The following ZNF160 variants were observed in gnomAD, a reference collection of about 807,000 sequenced individuals.
ZNF160 encodes the protein zinc finger protein 160, also known as KRAB zinc finger protein KR18.
ZNF160 carries 9 observed loss-of-function variants against 13.1 expected under a neutral mutation model. The ratio of observed to expected loss-of-function variants is 0.69; its 90% CI spans 0.41 to 1.20. The LOEUF (loss-of-function observed/expected upper bound fraction) is 1.20. Among genes scored for constraint, ZNF160 ranks in the 50% most tolerant of loss-of-function variants. The pLI is 0.01. For missense variants in ZNF160, 838 were observed against 988.0 expected (o/e 0.85, Z 2.04); for synonymous variants, 293 against 333.2 (o/e 0.88, Z 1.31).
Position 53,068,448 on chromosome 19 carries a change from G to A in ZNF160, c.2086C>T (p.Gln696Ter). 6.2e-7 allele frequency: 1 copy of A among 1,613,824 alleles called. No individual in the cohort carries two copies. Among genetic ancestry groups the A allele is most frequent in the Non-Finnish European group, 8.5e-7 (1 of 1,179,916 alleles). The change falls in exon 6 of 6, where the codon CAA becomes TAA. Residue 696 changes from glutamine to a stop codon, truncating the protein, a stop_gained. Coordinates refer to ENST00000683776, the MANE Select transcript of ZNF160 (RefSeq NM_001322131.2). LOFTEE classifies it low-confidence loss of function (END_TRUNC). ...GGTTTCTCTCCGGTGTGAGTCCTTT[G>A]ATGATTTGCAAGGTGTGAGTTCTGA... The part of the protein sequence containing the change: ...FTQNSHLANH[Q>*]RTHTGEKPYR...
At chr19:53,086,412 G>T in intron 2 of ZNF160, 91 bp from the exon 3 acceptor site, 1 of 1,163,956 alleles carries the variant, frequency 8.6e-7, no homozygotes, top group Non-Finnish European at 1.2e-6. Flanking sequence ...CCCTTCATGT[G>T]CCACAGTCAC....
chr19:53,085,134 T>C, intron 3 of ZNF160: 2 of 984,406 alleles, frequency 2.0e-6, no homozygotes, highest in Non-Finnish European at 2.4e-6. Flanking sequence ...TGGCATTCTT[T>C]ATAGAAGTGA....
At chr19:53,076,317 GAACTAAATAAGCAC>G (rs2084386191) in intron 3 of ZNF160, among the ~76,000 whole-genome samples, 1 of 152,162 alleles carries the variant, frequency 6.6e-6, no homozygotes, top group South Asian at 2.1e-4. Flanking sequence ...ATAACTACAT[GAACTAAATAAGCAC>G]AACTGGTATC....
At chr19:53,086,125 G>T in intron 3 of ZNF160, 137 bp downstream of exon 3, 1 of 1,328,684 alleles carries the variant, frequency 7.5e-7, no homozygotes, top group East Asian at 2.4e-5. Flanking sequence ...CGAGATGAGA[G>T]GGACTGAGGG....
chr19:53,079,567 AAAAAAAT>A (rs2084543394), intron 3 of ZNF160, among the ~76,000 whole-genome samples: 1 of 151,234 alleles, frequency 6.6e-6, no homozygotes. Flanking sequence ...AAAAAAAAAA[AAAAAAAT>A]AGGCTCAACA....
intron 5 of ZNF160, chr19:53,073,486 A>C (rs767916728): frequency 1.9e-6 from 3 of 1,598,192 alleles, no homozygotes; most frequent in Non-Finnish European, 2.5e-6. Flanking sequence ...AGCAGCAGCC[A>C]ATGTTTCCAT....
chr19:53,096,194 G>C (rs1484875338), intron 1 of ZNF160, among the ~76,000 whole-genome samples: 1 of 152,230 alleles, frequency 6.6e-6, no homozygotes, highest in Non-Finnish European at 1.5e-5. Flanking sequence ...ACTCCAGCCT[G>C]GGAGACAGAA....
chr19:53,069,168 T>C lies in ZNF160; in HGVS notation c.1366A>G (p.Asn456Asp). The C allele has an allele frequency of 6.2e-7, 1 of 1,614,210 alleles. No individual in the cohort carries two copies. Among genetic ancestry groups the C allele is most frequent in the Non-Finnish European group, 8.5e-7 (1 of 1,180,008 alleles). The change falls in exon 6 of 6, where the codon AAT (asparagine) becomes GAT (aspartate). Residue 456 changes from asparagine (N) to aspartate (D), a missense_variant. Around this residue, in one of 3 missense-constraint regions of ZNF160, gnomAD observed 400 missense variants for 538.9 expected, o/e 0.74. Coordinates refer to ENST00000683776, the MANE Select transcript of ZNF160 (RefSeq NM_001322131.2). The surrounding 1 kb of genome is among the most constrained non-coding windows in gnomAD (Gnocchi z 4.4). ...ATACTGAAGGCTTTGCCACATTCAT[T>C]ACACTTGTAAGGTTTCTCACCAGTA... ...VHTGEKPYKC[N>D]ECGKAFSMHS... is the part of the protein sequence containing the mutation.
At chr19:53,073,294 A>C in intron 5 of ZNF160, 1 of 1,567,538 alleles carries the variant, frequency 6.4e-7, no homozygotes, top group Non-Finnish European at 8.6e-7. Flanking sequence ...TCAATGACAG[A>C]AGGATTTTGT....
At chr19:53,078,143 G>C (rs750185085) in intron 3 of ZNF160, among the ~76,000 whole-genome samples, 1 of 152,096 alleles carries the variant, frequency 6.6e-6, no homozygotes, top group Non-Finnish European at 1.5e-5. Flanking sequence ...GGGAGGCTGA[G>C]GCAGAAGAAT....
intron 5 of ZNF160, among the ~76,000 whole-genome samples, chr19:53,071,715 A>G (rs12980010): frequency 0.44 from 66,540 of 151,850 alleles, 15,599 homozygotes; most frequent in Admixed American, 0.59. Flanking sequence ...ACCTATGACC[A>G]AAACACTCAC....
intron 5 of ZNF160, among the ~76,000 whole-genome samples, chr19:53,073,768 CAG>C (rs1233246986): frequency 5.9e-5 from 9 of 152,024 alleles, no homozygotes; most frequent in South Asian, 2.1e-4. Context: ...CTCTCATCTG[CAG>C]AGAGTTTCCC....
chr19:53,094,030 G>A lies in ZNF160; in HGVS notation c.-353-2310C>T, dbSNP rs1027835364. 5.9e-5 allele frequency among the ~76,000 whole-genome samples: 9 copies of A among 152,234 alleles called. No individual in the cohort carries two copies. In the South Asian group the frequency reaches 6.2e-4, roughly 11 times the overall value. On this transcript the variant is annotated intron_variant, in intron 1 of 5. Coordinates refer to ENST00000683776, the MANE Select transcript of ZNF160 (RefSeq NM_001322131.2). ...GATGCACATGCTCCAATGAGACCCC[G>A]ATATCATACAAGGTAACACTCCAAA...
rs140828413 is a variant in ZNF160 at position 53,069,697 on chromosome 19, A to G, written c.837T>C (p.His279=). ...TGCATTTGTAAGGCTTCTCTCCACT[A>G]TGAATTCTCCTATGACTTGTAAGGT... ...NSNLTSHRRI[H]SGEKPYKCSE... Residue 279 remains histidine, a synonymous_variant, in exon 6 of 6, where the codon CAT becomes CAC. Transcript: ENST00000683776. This position sits in a 1 kb window ranked among gnomAD's most constrained non-coding sequence, Gnocchi z 4.4. 2.3e-5 allele frequency: 37 copies of G among 1,613,980 alleles called. No individual in the cohort carries two copies. The highest frequency in any genetic ancestry group is 1.5e-4 in the South Asian group (14 of 91,080).
intron 3 of ZNF160, among the ~76,000 whole-genome samples, chr19:53,076,577 T>C (rs2084399581): frequency 6.6e-6 from 1 of 152,080 alleles, no homozygotes; most frequent in Non-Finnish European, 1.5e-5. Flanking sequence ...AGGTAGAAGT[T>C]GCGGTGAGCC....
chr19:53,085,906 A>G (rs1233950171), intron 3 of ZNF160: 2 of 840,052 alleles, frequency 2.4e-6, no homozygotes, highest in Non-Finnish European at 3.8e-6. Flanking sequence ...ACCTGACTTC[A>G]TGGGCAGCTT....
At chr19:53,097,881 CA>C (rs2085295319) in intron 1 of ZNF160, among the ~76,000 whole-genome samples, 1 of 152,152 alleles carries the variant, frequency 6.6e-6, no homozygotes, top group South Asian at 2.1e-4. Flanking sequence ...TGCTGTGGAG[CA>C]GCTCTGGGAT....
chr19:53,102,956 G>A (rs71361300), intron 1 of ZNF160, among the ~76,000 whole-genome samples: 297 of 152,270 alleles, frequency 2.0e-3, no homozygotes, highest in Non-Finnish European at 3.2e-3. Flanking sequence ...GGTGGGATGT[G>A]CAGGATCCCA....
intron 3 of ZNF160, among the ~76,000 whole-genome samples, chr19:53,077,601 G>A (rs1047594293): frequency 8.0e-5 from 12 of 150,596 alleles, no homozygotes; most frequent in Non-Finnish European, 1.2e-4. Flanking sequence ...CCCGGGAGGT[G>A]GAGGTTGCAG....
Sources: allele counts gnomAD v4.1 joint callset (sites outside exome capture counted in the v4.1 genomes callset), GRCh38; gene constraint gnomAD v4.1.1; regional missense constraint gnomAD v4.1.1; non-coding constraint Gnocchi (gnomAD v3.1); transcripts MANE v1.5; gene names NCBI Gene and HGNC (gene_info 2026-07-23, HGNC 2026-07-21).